CCDC195: variants seen among roughly 807,000 people sequenced by gnomAD.
The protein encoded by CCDC195 is coiled-coil domain-containing protein 195.
chr2:224,708,975 G>C (rs1022103300), intron 2 of CCDC195, among the ~76,000 whole-genome samples: 7 of 151,948 alleles, frequency 4.6e-5, no homozygotes, highest in African/African-American at 1.7e-4. Context: ...GATAAATTAG[G>C]CTTGATGTTA....
intron 1 of CCDC195, among the ~76,000 whole-genome samples, chr2:224,715,465 A>C (rs1043070163): frequency 4.6e-5 from 7 of 152,256 alleles, no homozygotes; most frequent in African/African-American, 1.7e-4. Context: ...TAGCAGGCTG[A>C]ATTATGTGCA....
intron 1 of CCDC195, among the ~76,000 whole-genome samples, chr2:224,714,037 A>C (rs531280889): frequency 1.4e-3 from 209 of 152,092 alleles, no homozygotes; most frequent in Admixed American, 6.2e-3. Flanking sequence ...TGGCGGTCTC[A>C]CTATGATGCC....
At chr2:224,714,488 GC>G (rs1689357883) in intron 1 of CCDC195, among the ~76,000 whole-genome samples, 1 of 152,148 alleles carries the variant, frequency 6.6e-6, no homozygotes, top group Admixed American at 6.5e-5. Context: ...ATTTGGCAAT[GC>G]CTGGAGACAT....
chr2:224,710,359 T>C (rs961305735), intron 1 of CCDC195, 140 bp from the exon 2 acceptor site: 12 of 393,216 alleles, frequency 3.1e-5, no homozygotes, highest in Non-Finnish European at 4.0e-5. Context: ...AGATATCCAT[T>C]TGGCCTGGCG....
chr2:224,705,382 G>C (rs1286976351), intron 2 of CCDC195, among the ~76,000 whole-genome samples: 1 of 152,098 alleles, frequency 6.6e-6, no homozygotes, highest in Non-Finnish European at 1.5e-5. Context: ...GAATTTCTCT[G>C]TCAAAATTAA....
intron 2 of CCDC195, among the ~76,000 whole-genome samples, chr2:224,705,573 T>C (rs967026501): frequency 1.3e-5 from 2 of 152,232 alleles, no homozygotes; most frequent in African/African-American, 4.8e-5. Flanking sequence ...TGATAAATAT[T>C]TGTAAAATGC....
intron 2 of CCDC195, among the ~76,000 whole-genome samples, chr2:224,704,820 C>T (rs1697221768): frequency 6.6e-6 from 1 of 152,050 alleles, no homozygotes; most frequent in African/African-American, 2.4e-5. Context: ...CGAGTTTTCG[C>T]CATGTTGGCC....
chr2:224,709,031 C>G (rs1232353654), intron 2 of CCDC195, among the ~76,000 whole-genome samples: 3 of 151,590 alleles, frequency 2.0e-5, no homozygotes, highest in Non-Finnish European at 4.4e-5. Flanking sequence ...CAAGTTTCCT[C>G]TAACAGACCC....
intron 2 of CCDC195, among the ~76,000 whole-genome samples, chr2:224,705,123 T>C (rs1697227412): frequency 6.6e-6 from 1 of 152,162 alleles, no homozygotes; most frequent in Non-Finnish European, 1.5e-5. Context: ...TCTAGTAACT[T>C]TCTCCAAGGC....
At chr2:224,716,182 G>C in exon 1 of CCDC195, 1 of 398,704 alleles carries the variant, frequency 2.5e-6, no homozygotes, top group Non-Finnish European at 4.4e-6. Context: ...GCACCCTGAA[G>C]GGTTGCTGGA....
intron 2 of CCDC195, among the ~76,000 whole-genome samples, chr2:224,709,070 T>C (rs1036757586): frequency 6.0e-5 from 9 of 149,104 alleles, no homozygotes; most frequent in Non-Finnish European, 1.2e-4. Context: ...CTTTTCTTTC[T>C]TTTCCTTTCT....
intron 2 of CCDC195, among the ~76,000 whole-genome samples, chr2:224,705,897 C>G (rs533334512): frequency 2.8e-4 from 43 of 151,774 alleles, no homozygotes; most frequent in Non-Finnish European, 3.8e-4. Context: ...AGTTGGAAAA[C>G]ATTTTACTTT....
chr2:224,704,345 C>T (rs965658085), intron 2 of CCDC195, among the ~76,000 whole-genome samples: 11 of 152,168 alleles, frequency 7.2e-5, no homozygotes, highest in African/African-American at 2.7e-4. Flanking sequence ...AGAGCAATAG[C>T]CCCATGCTAT....
intron 2 of CCDC195, among the ~76,000 whole-genome samples, chr2:224,707,998 C>T (rs62188711): frequency 0.018 from 796 of 43,512 alleles, 10 homozygotes; most frequent in African/African-American, 0.061. Flanking sequence ...CTCCCTCCCT[C>T]CCTTCCTTCC....
chr2:224,704,799 T>G (rs1283407723), intron 2 of CCDC195, among the ~76,000 whole-genome samples: 1 of 152,082 alleles, frequency 6.6e-6, no homozygotes, highest in South Asian at 2.1e-4. Flanking sequence ...TTTTTGTGTT[T>G]TTAGTAGAGA....
chr2:224,707,046 T>C (rs1217282738), intron 2 of CCDC195, among the ~76,000 whole-genome samples: 1 of 152,140 alleles, frequency 6.6e-6, no homozygotes, highest in Non-Finnish European at 1.5e-5. Context: ...ATTTGATCTA[T>C]AAATAAATCT....
intron 2 of CCDC195, among the ~76,000 whole-genome samples, chr2:224,706,397 G>T (rs1697241102): frequency 6.6e-6 from 1 of 150,384 alleles, no homozygotes; most frequent in Non-Finnish European, 1.5e-5. Context: ...TAGAGATGGG[G>T]TTTCACCATA....
At chr2:224,716,220 T>C (rs1022659716) in exon 1 of CCDC195, 26 of 398,600 alleles carry the variant, frequency 6.5e-5, no homozygotes, top group African/African-American at 5.1e-4. Flanking sequence ...CTCCTCCCTT[T>C]CGTCTCCTGA....
intron 1 of CCDC195, among the ~76,000 whole-genome samples, chr2:224,714,419 T>C (rs1689357009): frequency 6.6e-6 from 1 of 152,196 alleles, no homozygotes; most frequent in East Asian, 1.9e-4. Flanking sequence ...TTGTTTATTT[T>C]TGGAGCAAGG....
Sources: allele counts gnomAD v4.1 joint callset (sites outside exome capture counted in the v4.1 genomes callset), GRCh38; gene constraint gnomAD v4.1.1; transcripts MANE v1.5; gene names NCBI Gene and HGNC (gene_info 2026-07-23, HGNC 2026-07-21).